The following SMARCAL1 variants were observed in gnomAD, a reference collection of about 807,000 sequenced individuals.
SMARCAL1 encodes ATP-driven annealing helicase.
A neutral mutation model predicts 94.5 loss-of-function variants in SMARCAL1; 58 were observed. That is an observed-to-expected ratio of 0.61 (90% CI 0.50 to 0.76). The LOEUF is 0.76. SMARCAL1 is among the 30% of genes least tolerant of loss of function. SMARCAL1 has a pLI of 0.00. For synonymous variants in SMARCAL1, 422 were observed against 455.1 expected, an observed-to-expected ratio of 0.93 and a Z score of 0.93; for missense variants, 1,051 against 1,177.9, an observed-to-expected ratio of 0.89 and a Z score of 1.58.
At position 216,457,106 on chromosome 2, in the gene SMARCAL1, T is replaced by C. The variant is rs557046328; in HGVS notation, c.2070+6042T>C. Among the ~76,000 whole-genome samples the C allele has an allele frequency of 5.4e-3, 791 of 145,762 alleles. 2 individuals are homozygous for C. The highest frequency in any genetic ancestry group is 7.7e-3 in the Non-Finnish European group (517 of 67,208). ...CAAAAGAGACAAGGCCGTTACATAA[T>C]GGTAAAGGGATCAATTCAACAAGAA... On this transcript the variant is annotated intron_variant, in intron 12 of 17. Transcript: ENST00000357276.
At chr2:216,464,558 G>T (rs759382143) in intron 12 of SMARCAL1, 39 bp from the exon 13 acceptor site, 2 of 1,466,462 alleles carry the variant, frequency 1.4e-6, no homozygotes. Context: ...AGAGTTCTCA[G>T]ACTGGGGCAC....
At chr2:216,427,717 A>T (rs1373765182) in intron 6 of SMARCAL1, among the ~76,000 whole-genome samples, 1 of 152,232 alleles carries the variant, frequency 6.6e-6, no homozygotes, top group Non-Finnish European at 1.5e-5. Flanking sequence ...ACTTAAATAT[A>T]TTGAAAATAC....
At chr2:216,428,484 G>A (rs547854942) in intron 6 of SMARCAL1, 112 bp from the exon 7 acceptor site, 1 of 1,011,428 alleles carries the variant, frequency 9.9e-7, no homozygotes, top group African/African-American at 1.6e-5. Flanking sequence ...CATTATATAG[G>A]GACCTAGGAC....
chr2:216,447,774 AC>A (rs1694352580), intron 11 of SMARCAL1, among the ~76,000 whole-genome samples: 1 of 152,196 alleles, frequency 6.6e-6, no homozygotes, highest in African/African-American at 2.4e-5. Flanking sequence ...GCACCTCAGG[AC>A]CTACAGTCGG....
chr2:216,468,620 C>T (rs1574479694), intron 14 of SMARCAL1, among the ~76,000 whole-genome samples: 4 of 152,114 alleles, frequency 2.6e-5, no homozygotes, highest in South Asian at 4.1e-4. Context: ...CTTCCCTCAT[C>T]GTTTATATTT....
chr2:216,464,909 G>T (rs1382058319), intron 13 of SMARCAL1, among the ~76,000 whole-genome samples: 1 of 152,188 alleles, frequency 6.6e-6, no homozygotes, highest in Non-Finnish European at 1.5e-5. Flanking sequence ...ACTTTGGGAG[G>T]CCAAGGTGGG....
At chr2:216,448,697 C>T (rs536914607) in intron 11 of SMARCAL1, among the ~76,000 whole-genome samples, 18 of 152,112 alleles carry the variant, frequency 1.2e-4, no homozygotes, top group African/African-American at 2.6e-4. Context: ...CCGCATGCAG[C>T]GGTACACACA....
At chr2:216,449,975 T>A (rs1172518466) in intron 11 of SMARCAL1, among the ~76,000 whole-genome samples, 4 of 152,000 alleles carry the variant, frequency 2.6e-5, no homozygotes, top group African/African-American at 7.3e-5. Context: ...GTAGCTGGGA[T>A]TACAGGTGCA....
chr2:216,441,317 AT>A (rs1173670158), intron 10 of SMARCAL1, among the ~76,000 whole-genome samples: 3 of 152,178 alleles, frequency 2.0e-5, no homozygotes, highest in Non-Finnish European at 4.4e-5. Context: ...GAAACGTGAC[AT>A]TTTTCTTCCC....
intron 7 of SMARCAL1, among the ~76,000 whole-genome samples, chr2:216,429,510 G>A (rs745797748): frequency 2.0e-5 from 3 of 152,218 alleles, no homozygotes; most frequent in Non-Finnish European, 4.4e-5. Context: ...GCAAAATGCC[G>A]TATTTGAACT....
chr2:216,438,462 C>T lies in SMARCAL1; in HGVS notation c.1687C>T (p.Arg563Ter), dbSNP rs1694125419. ...FLKNSRTARCRAAMPVLKVAK... is the reference protein window; with the variant it reads ...FLKNSRTARC ...CAAAAACAGTAGGACTGCCCGCTGT[C>T]GAGCAGCTATGCCGGTCCTAAAGGT... Residue 563 changes from arginine (R) to a stop codon, truncating the protein, a stop_gained, in exon 10 of 18, where the codon CGA (arginine) becomes TGA (stop). Transcript: ENST00000357276. LOFTEE classifies it high-confidence loss of function. 4 of 1,614,014 alleles carry T rather than the reference C, an allele frequency of 2.5e-6. No individual in the cohort carries two copies. Among genetic ancestry groups the T allele is most frequent in the South Asian group, 1.1e-5 (1 of 91,036 alleles).
chr2:216,428,994 G>A (rs1365897784), intron 7 of SMARCAL1, among the ~76,000 whole-genome samples: 1 of 152,230 alleles, frequency 6.6e-6, no homozygotes, highest in African/African-American at 2.4e-5. Flanking sequence ...TCAAGACTCT[G>A]AATTGCAGCT....
chr2:216,476,637 C>G (rs1364921356), intron 15 of SMARCAL1, among the ~76,000 whole-genome samples: 1 of 152,192 alleles, frequency 6.6e-6, no homozygotes, highest in Middle Eastern at 3.2e-3. Flanking sequence ...ATAAGGCTTA[C>G]CACTATATTA....
Position 216,475,576 on chromosome 2 carries a change from AGTTTTCACTTCCTT to A in SMARCAL1, c.2427+126_2427+139del. On this transcript the variant is annotated intron_variant, in intron 15 of 17. Transcript: ENST00000357276. The surrounding 1 kb of genome is among the most constrained non-coding windows in gnomAD (Gnocchi z 4.4). ...CCATTCATTATACTTCCCACAAGTCAGTTTTCACTTCCTTTAAGCACTTCTATGTTGATTGACTA... is the reference window on the plus strand; with the variant it reads ...CCATTCATTATACTTCCCACAAGTCATAAGCACTTCTATGTTGATTGACTA... 2.1e-6 allele frequency: 2 copies of A among 973,986 alleles called. No homozygotes were observed. Among genetic ancestry groups the A allele is most frequent in the Admixed American group, 3.8e-5 (2 of 52,310 alleles). 60.3% of individuals were successfully genotyped at this position (973,986 alleles called of 1,614,324 possible). A position where few individuals can be genotyped will look rare whatever the true frequency, so the allele number is the denominator to read the frequency against.
chr2:216,418,314 G>GAAA (rs1693648555), intron 4 of SMARCAL1, among the ~76,000 whole-genome samples: 1 of 151,944 alleles, frequency 6.6e-6, no homozygotes, highest in African/African-American at 2.4e-5. Flanking sequence ...TCATAGAAGA[G>GAAA]AAAAAAAATT....
Position 216,435,434 on chromosome 2 carries a change from A to T in SMARCAL1, c.1582A>T (p.Ser528Cys). The change falls in exon 9 of 18, where the codon AGC becomes TGC. Residue 528 changes from serine (S) to cysteine (C), a missense_variant. By Grantham distance (112) the Ser-to-Cys change is moderately radical (BLOSUM62 -1). Around this residue, in one of 3 missense-constraint regions of SMARCAL1, gnomAD observed 642 missense variants for 754.7 expected, o/e 0.85. Coordinates refer to ENST00000357276, the MANE Select transcript of SMARCAL1 (RefSeq NM_014140.4). ...GACAGCTGGCCTGATCAACATTGTC[A>T]GCTTTGACCTTCTTAGCAAGTTGGA... ...RLTAGLINIV[S>C]FDLLSKLEKQ... 2 of 1,614,192 alleles carry T rather than the reference A, an allele frequency of 1.2e-6. No individual in the cohort carries two copies. Among genetic ancestry groups the T allele is most frequent in the Non-Finnish European group, 1.7e-6 (2 of 1,180,030 alleles).
In SMARCAL1 at chr2:216,420,324, G is replaced by A. The variant is rs140707035; in HGVS notation, c.888G>A (p.Thr296=). The A allele has an allele frequency of 3.7e-5, 60 of 1,613,900 alleles. No homozygotes were observed. The highest frequency in any genetic ancestry group is 1.0e-4 in the Admixed American group (6 of 59,982). The stretch of plus-strand genomic sequence containing the variant: ...TGAAAGCAGCCCAGAGCCTCCCCAC[G>A]GTCAACCTGCAGCCTCTGGAATGGG... ...ALMKAAQSLP[T]VNLQPLEWAY... is the part of the protein sequence containing the mutation. The change falls in exon 5 of 18, where the codon ACG becomes ACA. Residue 296 remains threonine (T), a synonymous_variant. Coordinates refer to ENST00000357276, the MANE Select transcript of SMARCAL1 (RefSeq NM_014140.4).
intron 14 of SMARCAL1, among the ~76,000 whole-genome samples, chr2:216,471,832 T>C (rs1477693387): frequency 1.3e-5 from 2 of 152,192 alleles, no homozygotes; most frequent in Non-Finnish European, 2.9e-5. Context: ...TATTCAATAA[T>C]TAAAAATCTA....
Position 216,450,924 on chromosome 2 carries a change from C to T in SMARCAL1, c.1930C>T (p.Arg644Trp), listed in dbSNP as rs1313658611. The T allele has an allele frequency of 6.8e-6, 11 of 1,614,182 alleles. No homozygotes were observed. Among genetic ancestry groups the T allele is most frequent in the Non-Finnish European group, 6.8e-6 (8 of 1,180,034 alleles). ...KLLLEEAVML[R>W]RLKSDVLSQL... ...CCTGCTGGAGGAAGCAGTCATGCTG[C>T]GGCGCCTCAAGTCCGACGTCCTTTC... Residue 644 changes from arginine (R) to tryptophan (W), a missense_variant, in exon 12 of 18, where the codon CGG (arginine) becomes TGG (tryptophan). Coordinates refer to ENST00000357276, the MANE Select transcript of SMARCAL1 (RefSeq NM_014140.4).
Sources: allele counts gnomAD v4.1 joint callset (sites outside exome capture counted in the v4.1 genomes callset), GRCh38; gene constraint gnomAD v4.1.1; regional missense constraint gnomAD v4.1.1; non-coding constraint Gnocchi (gnomAD v3.1); transcripts MANE v1.5; gene names NCBI Gene and HGNC (gene_info 2026-07-23, HGNC 2026-07-21).